The following UTRN variants were observed in gnomAD, a reference collection of about 807,000 sequenced individuals.
UTRN encodes the protein dystrophin-related protein 1.
A neutral mutation model predicts 463.9 loss-of-function variants in UTRN; 283 were observed. The ratio of observed to expected loss-of-function variants is 0.61; its 90% CI spans 0.55 to 0.67. The LOEUF is 0.67. Ranked by LOEUF, UTRN falls within the 30% of genes least tolerant of loss-of-function variation. The probability of loss-of-function intolerance (pLI) is 0.00; values close to 1 mark genes in which losing one functional copy is unlikely to be tolerated. For synonymous variants in UTRN, 1,442 were observed against 1,431.5 expected, an observed-to-expected ratio of 1.01 and a Z score of -0.17; for missense variants, 3,922 against 4,084.3, an observed-to-expected ratio of 0.96 and a Z score of 1.08.
chr6:144,490,299 G>A, intron 31 of UTRN, 100 bp downstream of exon 31: 1 of 1,483,626 alleles, frequency 6.7e-7, no homozygotes, highest in Non-Finnish European at 9.0e-7. Context: ...TGTATTCTTT[G>A]TGATGTAAAC....
intron 45 of UTRN, among the ~76,000 whole-genome samples, chr6:144,542,456 G>T (rs1208589601): frequency 6.6e-6 from 1 of 152,136 alleles, no homozygotes; most frequent in African/African-American, 2.4e-5. Context: ...AGAGGAAAAG[G>T]AGTTGGTGAA....
intron 69 of UTRN, among the ~76,000 whole-genome samples, chr6:144,831,419 T>C (rs1426094629): frequency 6.6e-5 from 10 of 151,888 alleles, no homozygotes; most frequent in South Asian, 4.2e-4. Flanking sequence ...GTGTTGGCTT[T>C]GAAAATGAGG....
chr6:144,796,096 G>A (rs952654946), intron 63 of UTRN, among the ~76,000 whole-genome samples: 24 of 152,130 alleles, frequency 1.6e-4, no homozygotes, highest in African/African-American at 5.8e-4. Flanking sequence ...TGTGTGAGGT[G>A]TAAGGAAGGG....
Position 144,448,695 on chromosome 6 carries a change from A to T in UTRN, c.1998A>T (p.Lys666Asn). Residue 666 changes from lysine to asparagine, a missense_variant, in exon 17 of 75, where the codon AAA becomes AAT. Coordinates refer to ENST00000367545, the MANE Select transcript of UTRN (RefSeq NM_007124.3). ...VRVREQAITK[K>N]SKQELPPPPP... is the part of the protein sequence containing the mutation. ...TAAGAGAACAAGCAATTACAAAAAAATCTAAGCAGGAACTGCCTCCTCCTC... is the reference window on the plus strand; with the variant it reads ...TAAGAGAACAAGCAATTACAAAAAATTCTAAGCAGGAACTGCCTCCTCCTC... The T allele has an allele frequency of 6.2e-7, 1 of 1,614,056 alleles. No homozygotes were observed. The highest frequency in any genetic ancestry group is 8.5e-7 in the Non-Finnish European group (1 of 1,179,964).
chr6:144,617,223 C>A (rs888922384), intron 51 of UTRN, among the ~76,000 whole-genome samples: 4 of 152,118 alleles, frequency 2.6e-5, no homozygotes, highest in African/African-American at 9.7e-5. Flanking sequence ...TTATATCCAC[C>A]ATACCATCAC....
In UTRN at chr6:144,473,825, C is replaced by G; in HGVS notation, c.3172C>G (p.Gln1058Glu). 6.2e-7 allele frequency: 1 copy of G among 1,612,398 alleles called. No homozygotes were observed. The highest frequency in any genetic ancestry group is 8.5e-7 in the Non-Finnish European group (1 of 1,178,742). The change falls in exon 24 of 75, where the codon CAG (glutamine) becomes GAG (glutamate). Residue 1058 changes from glutamine to glutamate, a missense_variant. Transcript: ENST00000367545. ...DDAGLQRQLDQCSAFVNEIET... is the reference protein window; with the variant it reads ...DDAGLQRQLDECSAFVNEIET... Reference sequence around the variant, plus strand: ...CGCAGGTCTACAGAGGCAGTTAGACCAGTGCTCTGTGAGTTCTGCTGATCT... The same window carrying G: ...CGCAGGTCTACAGAGGCAGTTAGACGAGTGCTCTGTGAGTTCTGCTGATCT...
intron 23 of UTRN, among the ~76,000 whole-genome samples, chr6:144,471,420 C>T (rs986848469): frequency 3.3e-5 from 5 of 152,138 alleles, no homozygotes; most frequent in Admixed American, 3.3e-4. Flanking sequence ...AATGAATTTC[C>T]CAGTTATACA....
intron 53 of UTRN, among the ~76,000 whole-genome samples, chr6:144,723,928 T>C (rs1377558462): frequency 6.8e-6 from 1 of 147,044 alleles, no homozygotes; most frequent in Non-Finnish European, 1.5e-5. Context: ...CAGAATTGCT[T>C]GAGCCCGGGA....
chr6:144,736,329 A>C (rs1360869581), intron 54 of UTRN, among the ~76,000 whole-genome samples: 2 of 152,148 alleles, frequency 1.3e-5, no homozygotes, highest in African/African-American at 4.8e-5. Flanking sequence ...TTTAATAAGC[A>C]TTTTGTGAGT....
chr6:144,497,326 C>A (rs541315553), intron 33 of UTRN, among the ~76,000 whole-genome samples: 1 of 151,768 alleles, frequency 6.6e-6, no homozygotes, highest in South Asian at 2.1e-4. Flanking sequence ...AAGGATGACC[C>A]CTGGGTTTCT....
intron 2 of UTRN, among the ~76,000 whole-genome samples, chr6:144,338,448 A>G (rs1391646610): frequency 1.3e-5 from 2 of 152,216 alleles, no homozygotes; most frequent in East Asian, 1.9e-4. Context: ...TCTTGAGGAC[A>G]GTTGATGCCT....
chr6:144,827,775 G>T, intron 68 of UTRN, 99 bp downstream of exon 68: 2 of 1,353,660 alleles, frequency 1.5e-6, no homozygotes, highest in African/African-American at 1.5e-5. Flanking sequence ...TTTAAGAAAT[G>T]CAGTTTTGCA....
At chr6:144,569,213 A>G (rs1385568472) in intron 50 of UTRN, among the ~76,000 whole-genome samples, 1 of 149,774 alleles carries the variant, frequency 6.7e-6, no homozygotes, top group African/African-American at 2.4e-5. Context: ...TTCAAAAATC[A>G]GAATATAAAA....
chr6:144,321,461 CTTTTTT>C (rs529134208), intron 2 of UTRN, among the ~76,000 whole-genome samples: 11 of 100,446 alleles, frequency 1.1e-4, no homozygotes, highest in Non-Finnish European at 2.0e-4. Context: ...TGTGCCATAT[CTTTTTT>C]TTTTTTTTTT....
Position 144,790,936 on chromosome 6 carries a change from A to T in UTRN, c.8920+1657A>T, listed in dbSNP as rs1410701438. The stretch of plus-strand genomic sequence containing the variant: ...TTACATTGTGGATAATTCAACATTA[A>T]CTTTCAGATTTTGGCAGGGGAAGCA... On this transcript the variant is annotated intron_variant, in intron 62 of 74. Coordinates refer to ENST00000367545, the MANE Select transcript of UTRN (RefSeq NM_007124.3). Among the ~76,000 whole-genome samples the T allele has an allele frequency of 2.0e-5, 3 of 152,230 alleles. No individual in the cohort carries two copies. In the East Asian group the frequency reaches 5.8e-4, roughly 29 times the overall value.
chr6:144,319,641 C>T (rs908823136), intron 2 of UTRN, among the ~76,000 whole-genome samples: 3 of 152,162 alleles, frequency 2.0e-5, no homozygotes, highest in African/African-American at 7.2e-5. Flanking sequence ...CATCTCGGCT[C>T]ACTGCTACCT....
At chr6:144,387,117 C>A (rs1324326747) in intron 2 of UTRN, among the ~76,000 whole-genome samples, 1 of 151,956 alleles carries the variant, frequency 6.6e-6, no homozygotes, top group Non-Finnish European at 1.5e-5. Context: ...TTGCCTTAAT[C>A]TTCTATTTTT....
chr6:144,375,549 C>T (rs1780376140), intron 2 of UTRN, among the ~76,000 whole-genome samples: 1 of 152,114 alleles, frequency 6.6e-6, no homozygotes, highest in African/African-American at 2.4e-5. Context: ...GTCATGGTGA[C>T]TTTTTGTTTT....
At chr6:144,471,033 CGAGGGAGGGGGAGAGGGAGGGGGA>C (rs1281988987) in intron 23 of UTRN, among the ~76,000 whole-genome samples, 17 of 69,960 alleles carry the variant, frequency 2.4e-4, no homozygotes, top group Non-Finnish European at 4.4e-4. Context: ...GAGAGGGAGA[CGAGGGAGGGGGAGAGGGAGGGGGA>C]GAGGGAGGGG....
Sources: gnomAD v4.1 joint callset for allele counts (sites outside exome capture counted in the v4.1 genomes callset) on GRCh38, gnomAD v4.1.1 for gene constraint, MANE v1.5 for transcripts, NCBI Gene and HGNC (gene_info 2026-07-23, HGNC 2026-07-21) for gene names.